ADGRB3: variants seen among roughly 807,000 people sequenced by gnomAD.
ADGRB3 encodes adhesion G protein-coupled receptor B3.
In ADGRB3, 37 loss-of-function variants were observed where a neutral mutation model predicts 193.4. The ratio of observed to expected loss-of-function variants is 0.19; its 90% CI spans 0.15 to 0.25. ADGRB3 has a LOEUF of 0.25. Ranked by LOEUF, ADGRB3 falls within the 10% of genes least tolerant of loss-of-function variation. The pLI, the probability that ADGRB3 is intolerant of heterozygous loss-of-function variation, is 1.00. For synonymous variants in ADGRB3, 690 were observed against 644.2 expected, an observed-to-expected ratio of 1.07 and a Z score of -1.08; for missense variants, 1,637 against 1,852.9, an observed-to-expected ratio of 0.88 and a Z score of 2.14.
At chr6:68,788,476 T>A (rs1414455343) in intron 3 of ADGRB3, among the ~76,000 whole-genome samples, 3 of 152,202 alleles carry the variant, frequency 2.0e-5, no homozygotes, top group African/African-American at 7.2e-5. Flanking sequence ...TGAGTGAGTT[T>A]CTTAATCCTG....
intron 3 of ADGRB3, among the ~76,000 whole-genome samples, chr6:68,710,823 C>T (rs980867296): frequency 3.9e-5 from 6 of 152,094 alleles, no homozygotes; most frequent in East Asian, 1.9e-4. Context: ...GGCATCTTTA[C>T]GGGAATTGAA....
chr6:68,889,607 A>G (rs1766016142), intron 3 of ADGRB3, among the ~76,000 whole-genome samples: 1 of 150,846 alleles, frequency 6.6e-6, no homozygotes, highest in Admixed American at 6.6e-5. Flanking sequence ...GGTTCACACC[A>G]TTCTCCTGTG....
intron 3 of ADGRB3, among the ~76,000 whole-genome samples, chr6:68,824,209 T>C (rs1319152985): frequency 1.6e-5 from 2 of 124,624 alleles, no homozygotes; most frequent in East Asian, 5.0e-4. Flanking sequence ...CTATTTGCCA[T>C]GTCTCTTAAA....
In ADGRB3 at chr6:69,048,248, G is replaced by C; in HGVS notation, c.2171G>C (p.Gly724Ala). The change falls in exon 14 of 32, where the codon GGA (glycine) becomes GCA (alanine). Residue 724 changes from glycine (G) to alanine (A), a missense_variant. Physicochemically the swap from Gly to Ala is moderately conservative, Grantham distance 60. Coordinates refer to ENST00000370598, the MANE Select transcript of ADGRB3 (RefSeq NM_001704.3). Reference protein sequence around the residue: ...VLTDINFPMKGRKGMVDWARN... With the variant: ...VLTDINFPMKARKGMVDWARN... ...ACAGACATCAACTTTCCAATGAAAG[G>C]ACGGAAGGGAATGGTTGACTGGGCA... is the stretch of plus-strand genomic sequence containing the variant. The C allele has an allele frequency of 3.1e-6, 5 of 1,613,660 alleles. No individual in the cohort carries two copies. The highest frequency in any genetic ancestry group is 4.2e-6 in the Non-Finnish European group (5 of 1,179,724).
At chr6:69,323,259 TA>T (rs1032637135) in intron 20 of ADGRB3, among the ~76,000 whole-genome samples, 2 of 151,966 alleles carry the variant, frequency 1.3e-5, no homozygotes, top group Non-Finnish European at 2.9e-5. Flanking sequence ...AATGAAAGGG[TA>T]ACTAATGACT....
chr6:69,168,265 A>G (rs894598294), intron 17 of ADGRB3, among the ~76,000 whole-genome samples: 1 of 152,138 alleles, frequency 6.6e-6, no homozygotes, highest in Admixed American at 6.6e-5. Context: ...GCTGGGTTCA[A>G]TTTCATCAGC....
intron 3 of ADGRB3, among the ~76,000 whole-genome samples, chr6:68,706,649 G>A (rs922074417): frequency 1.3e-5 from 2 of 152,168 alleles, no homozygotes; most frequent in African/African-American, 2.4e-5. Flanking sequence ...GGGGATAATG[G>A]TATTGTCTGC....
chr6:68,734,486 A>T (rs148829593), intron 3 of ADGRB3, among the ~76,000 whole-genome samples: 10 of 152,176 alleles, frequency 6.6e-5, no homozygotes, highest in African/African-American at 2.4e-4. Flanking sequence ...ATAATGGGAA[A>T]ACACAGGAAA....
chr6:69,273,979 A>G (rs563353928), intron 20 of ADGRB3, among the ~76,000 whole-genome samples: 2 of 152,312 alleles, frequency 1.3e-5, no homozygotes, highest in South Asian at 4.1e-4. Context: ...ATCTGTCTAT[A>G]TGAGAATTGG....
rs765400018 is a variant in ADGRB3, at chr6:68,943,835, G to A, written c.1036G>A (p.Gly346Arg). 1 of 1,611,324 alleles carries A rather than the reference G, an allele frequency of 6.2e-7. No individual in the cohort carries two copies. The highest frequency in any genetic ancestry group is 1.7e-4 in the Middle Eastern group (1 of 6,048). ...CNNTALCPVH[G>R]VWEEWSPWSL... The stretch of plus-strand genomic sequence containing the variant: ...GCTTCTTTGCTTTATTACAGTACAC[G>A]GAGTATGGGAGGAATGGTCACCATG... The change falls in exon 6 of 32, where the codon GGA becomes AGA. Residue 346 changes from glycine (G) to arginine (R), a missense_variant. By Grantham distance (125) the Gly-to-Arg change is moderately radical (BLOSUM62 -2). Around this residue, in one of 7 missense-constraint regions of ADGRB3, gnomAD observed 365 missense variants for 409.8 expected, o/e 0.89. Transcript: ENST00000370598.
intron 13 of ADGRB3, among the ~76,000 whole-genome samples, chr6:69,030,003 C>CACACAT (rs754945190): frequency 1.8e-4 from 27 of 147,818 alleles, no homozygotes; most frequent in Non-Finnish European, 2.4e-4. Flanking sequence ...CACACACACA[C>CACACAT]ATATATATAT....
intron 3 of ADGRB3, among the ~76,000 whole-genome samples, chr6:68,844,842 T>G (rs1419186380): frequency 1.3e-5 from 2 of 152,114 alleles, no homozygotes; most frequent in Admixed American, 6.6e-5. Context: ...CTGGAGGTCA[T>G]TAGGTTAAAT....
intron 5 of ADGRB3, 65 bp downstream of exon 5, chr6:68,936,745 G>A (rs898427443): frequency 1.3e-6 from 2 of 1,513,166 alleles, no homozygotes; most frequent in Non-Finnish European, 1.8e-6. Flanking sequence ...CATTTGGAAC[G>A]ATTTGTTATT....
intron 3 of ADGRB3, among the ~76,000 whole-genome samples, chr6:68,882,003 T>A (rs1006760840): frequency 6.6e-6 from 1 of 152,200 alleles, no homozygotes; most frequent in Non-Finnish European, 1.5e-5. Context: ...AATCTATGAA[T>A]CCTTCCTTGT....
chr6:69,367,879 G>A (rs1370300987), intron 29 of ADGRB3, among the ~76,000 whole-genome samples: 4 of 151,178 alleles, frequency 2.6e-5, no homozygotes, highest in African/African-American at 4.9e-5. Context: ...ATCATTCTCC[G>A]TAAACTATCG....
At chr6:68,829,690 A>G (rs184823240) in intron 3 of ADGRB3, among the ~76,000 whole-genome samples, 105 of 152,296 alleles carry the variant, frequency 6.9e-4, no homozygotes, top group African/African-American at 2.4e-3. Flanking sequence ...ACATTTAGAA[A>G]TTTCAGGTAA....
chr6:69,152,266 A>G lies in ADGRB3; in HGVS notation c.2480+76228A>G, dbSNP rs552264407. On this transcript the variant is annotated intron_variant, in intron 17 of 31. Transcript: ENST00000370598. ...TTCCATAATTAGTTCCTCAAATGGAATTCTCTTGTGGAAGTCATTGCTTCT... is the reference window on the plus strand; with the variant it reads ...TTCCATAATTAGTTCCTCAAATGGAGTTCTCTTGTGGAAGTCATTGCTTCT... Among the ~76,000 whole-genome samples the G allele has an allele frequency of 2.2e-3, 335 of 152,338 alleles. 11 individuals carry two copies. The South Asian group carries it at 0.068, about 31-fold the overall frequency.
At chr6:68,900,861 G>T (rs536815138) in intron 3 of ADGRB3, among the ~76,000 whole-genome samples, 1 of 152,160 alleles carries the variant, frequency 6.6e-6, no homozygotes, top group East Asian at 1.9e-4. Context: ...ATATGAATTT[G>T]CCTTCCCTCC....
chr6:68,786,058 T>C (rs1264820831), intron 3 of ADGRB3, among the ~76,000 whole-genome samples: 1 of 151,642 alleles, frequency 6.6e-6, no homozygotes, highest in African/African-American at 2.4e-5. Context: ...TATTAGCCCG[T>C]TGTCAGATGA....
Sources: allele counts gnomAD v4.1 joint callset (sites outside exome capture counted in the v4.1 genomes callset), GRCh38; gene constraint gnomAD v4.1.1; regional missense constraint gnomAD v4.1.1; transcripts MANE v1.5; gene names NCBI Gene and HGNC (gene_info 2026-07-23, HGNC 2026-07-21).